The following TMPRSS15 variants were observed in gnomAD, a reference collection of about 807,000 sequenced individuals.
The protein encoded by TMPRSS15 is enteropeptidase.
Under a neutral mutation model 125.3 loss-of-function variants are expected in TMPRSS15, and 128 were observed. The observed-to-expected ratio is 1.02, with a 90% CI of 0.89 to 1.18. The LOEUF (loss-of-function observed/expected upper bound fraction) is 1.18. Among genes scored for constraint, TMPRSS15 ranks in the 50% most tolerant of loss-of-function variants. The pLI is 0.00. For missense variants in TMPRSS15, 1,283 were observed against 1,212.7 expected, an observed-to-expected ratio of 1.06 and a Z score of -0.86; for synonymous variants, 446 against 423.2, an observed-to-expected ratio of 1.05 and a Z score of -0.66.
chr21:18,416,403 A>G (rs1205889800), intron 1 of TMPRSS15, among the ~76,000 whole-genome samples: 3 of 152,034 alleles, frequency 2.0e-5, no homozygotes, highest in Non-Finnish European at 4.4e-5. Context: ...TCCATTTTAA[A>G]CTTTACTTTT....
chr21:18,337,896 GTAAT>G, intron 13 of TMPRSS15, among the ~76,000 whole-genome samples: 1 of 152,282 alleles, frequency 6.6e-6, no homozygotes, highest in African/African-American at 2.4e-5. Context: ...ACATTTGATG[GTAAT>G]TAATGTTTTC....
chr21:18,367,382 T>C (rs186291715), intron 6 of TMPRSS15, among the ~76,000 whole-genome samples: 4 of 152,332 alleles, frequency 2.6e-5, no homozygotes, highest in Admixed American at 2.0e-4. Flanking sequence ...ACTTGCTAAA[T>C]AATTTTCCAG....
At chr21:18,293,565 G>A (rs752096454) in intron 21 of TMPRSS15, among the ~76,000 whole-genome samples, 4 of 152,114 alleles carry the variant, frequency 2.6e-5, no homozygotes, top group Non-Finnish European at 5.9e-5. Context: ...TGTGGAAGAG[G>A]AGCATGAACA....
intron 18 of TMPRSS15, among the ~76,000 whole-genome samples, chr21:18,305,212 G>A (rs1173237051): frequency 1.1e-5 from 1 of 88,580 alleles, no homozygotes; most frequent in Non-Finnish European, 2.1e-5. Context: ...TTTTTGAGAC[G>A]GAGTCTCCCT....
chr21:18,471,280 T>C (rs937246179), intron 1 of TMPRSS15, among the ~76,000 whole-genome samples: 3 of 152,142 alleles, frequency 2.0e-5, no homozygotes, highest in Non-Finnish European at 2.9e-5. Context: ...TTTCTATCAA[T>C]AGTATGTATA....
chr21:18,476,550 G>A (rs1263565245), intron 1 of TMPRSS15, among the ~76,000 whole-genome samples: 4 of 152,090 alleles, frequency 2.6e-5, no homozygotes, highest in Non-Finnish European at 5.9e-5. Flanking sequence ...ATGCTAAAGT[G>A]AAACTGTCAA....
chr21:18,308,590 C>T (rs1235732869), intron 18 of TMPRSS15, among the ~76,000 whole-genome samples: 2 of 111,692 alleles, frequency 1.8e-5, no homozygotes, highest in Non-Finnish European at 3.7e-5. Flanking sequence ...GAAAACTATA[C>T]ACTGAGACTT....
At chr21:18,427,874 G>A (rs566539822) in intron 1 of TMPRSS15, among the ~76,000 whole-genome samples, 6 of 150,124 alleles carry the variant, frequency 4.0e-5, no homozygotes, top group African/African-American at 9.8e-5. Flanking sequence ...TACACAGGTA[G>A]TTAAATTATT....
intron 18 of TMPRSS15, among the ~76,000 whole-genome samples, chr21:18,304,759 GAAAT>G (rs1236934840): frequency 6.6e-6 from 1 of 152,036 alleles, no homozygotes; most frequent in East Asian, 1.9e-4. Flanking sequence ...TGTTAATAAA[GAAAT>G]ATATATTTCC....
At chr21:18,455,341 T>C (rs1302700415) in intron 1 of TMPRSS15, among the ~76,000 whole-genome samples, 3 of 152,216 alleles carry the variant, frequency 2.0e-5, no homozygotes, top group African/African-American at 4.8e-5. Flanking sequence ...CAAATTTTAA[T>C]GTTCTGATAA....
intron 17 of TMPRSS15, among the ~76,000 whole-genome samples, chr21:18,314,278 A>G (rs922410858): frequency 6.6e-6 from 1 of 151,982 alleles, no homozygotes; most frequent in Admixed American, 6.6e-5. Flanking sequence ...ACTATAGCCG[A>G]TTATTTTTTT....
chr21:18,462,665 C>G (rs1427194842), intron 1 of TMPRSS15, among the ~76,000 whole-genome samples: 1 of 151,452 alleles, frequency 6.6e-6, no homozygotes, highest in Non-Finnish European at 1.5e-5. Context: ...GAAGTGCAAG[C>G]AAGAAAAACA....
chr21:18,295,111 C>A (rs1374261972), intron 19 of TMPRSS15, among the ~76,000 whole-genome samples: 6 of 152,116 alleles, frequency 3.9e-5, no homozygotes, highest in Non-Finnish European at 8.8e-5. Flanking sequence ...CTATTCCGTG[C>A]CCAACACCGT....
intron 1 of TMPRSS15, among the ~76,000 whole-genome samples, chr21:18,419,460 C>T (rs1316587592): frequency 6.6e-6 from 1 of 152,068 alleles, no homozygotes; most frequent in Non-Finnish European, 1.5e-5. Context: ...CTCCTGACAT[C>T]GTGATCCACC....
chr21:18,324,397 C>T (rs768998818), intron 16 of TMPRSS15, among the ~76,000 whole-genome samples: 1 of 152,052 alleles, frequency 6.6e-6, no homozygotes, highest in African/African-American at 2.4e-5. Flanking sequence ...AATTGTTGTG[C>T]ATTAGACCAG....
In TMPRSS15 at chr21:18,315,264, G is replaced by C. The variant is rs372351802; in HGVS notation, c.1922-8C>G. 1.4e-5 allele frequency: 23 copies of C among 1,600,986 alleles called. No homozygotes were observed. In the East Asian group the frequency reaches 1.8e-4, roughly 12 times the overall value. On this transcript the variant is annotated splice_polypyrimidine_tract_variant and splice_region_variant and intron_variant, in intron 16 of 24. Transcript: ENST00000284885. Reference sequence around the variant, plus strand: ...GGTCTGCCTTGCATGGCTCTATGGGGAAAGAATGTTTATTGTATAGGATAA... The same window carrying C: ...GGTCTGCCTTGCATGGCTCTATGGGCAAAGAATGTTTATTGTATAGGATAA...
upstream of TMPRSS15, among the ~76,000 whole-genome samples, chr21:18,408,325 C>T (rs1265307205): frequency 6.6e-6 from 1 of 152,176 alleles, no homozygotes; most frequent in Non-Finnish European, 1.5e-5. Flanking sequence ...AAAACCCAAA[C>T]AGCTTTCACC....
At chr21:18,294,124 T>C (rs2074871471) in intron 21 of TMPRSS15, 146 bp downstream of exon 21, 2 of 956,316 alleles carry the variant, frequency 2.1e-6, no homozygotes, top group Admixed American at 2.0e-5. Flanking sequence ...ATGACATTAA[T>C]GGGAAAATAA....
intron 1 of TMPRSS15, among the ~76,000 whole-genome samples, chr21:18,423,969 A>G (rs1294249654): frequency 6.6e-6 from 1 of 152,156 alleles, no homozygotes; most frequent in Non-Finnish European, 1.5e-5. Flanking sequence ...GTATGATCAC[A>G]AAGCAAAACA....
Sources: allele counts gnomAD v4.1 joint callset (sites outside exome capture counted in the v4.1 genomes callset), GRCh38; gene constraint gnomAD v4.1.1; transcripts MANE v1.5; gene names NCBI Gene and HGNC (gene_info 2026-07-23, HGNC 2026-07-21).